Variants in DTNB observed in about 807,000 individuals in gnomAD.
DTNB encodes the protein DTN-B.
A neutral mutation model predicts 90.7 loss-of-function variants in DTNB; 63 were observed. The observed-to-expected ratio is 0.69, with a 90% confidence interval of 0.57 to 0.86. DTNB has a LOEUF of 0.86. Ranked by LOEUF, DTNB falls within the 40% of genes least tolerant of loss-of-function variation. The pLI is 0.00. For synonymous variants in DTNB, 277 were observed against 286.7 expected (o/e 0.97, Z 0.34); for missense variants, 744 against 807.1 (o/e 0.92, Z 0.95).
At chr2:25,667,227 G>A (rs1210584334) in intron 1 of DTNB, among the ~76,000 whole-genome samples, 3 of 152,054 alleles carry the variant, frequency 2.0e-5, no homozygotes, top group South Asian at 2.1e-4. Flanking sequence ...GGTGGCTCAC[G>A]TCTTTAATCC....
chr2:25,416,919 T>C (rs2048140087), intron 16 of DTNB, among the ~76,000 whole-genome samples: 1 of 152,120 alleles, frequency 6.6e-6, no homozygotes, highest in African/African-American at 2.4e-5. Flanking sequence ...CACTCAATAA[T>C]GGTGGGGATT....
intron 6 of DTNB, among the ~76,000 whole-genome samples, chr2:25,590,998 C>T (rs994506294): frequency 1.3e-5 from 2 of 152,228 alleles, no homozygotes; most frequent in South Asian, 2.1e-4. Flanking sequence ...GCCCAAAGTC[C>T]GGGGGTGCTG....
intron 9 of DTNB, among the ~76,000 whole-genome samples, chr2:25,516,407 C>G (rs2075125628): frequency 6.6e-6 from 1 of 152,022 alleles, no homozygotes; most frequent in Non-Finnish European, 1.5e-5. Context: ...TCACCCCACC[C>G]CGCTAATTTT....
chr2:25,380,924 A>G (rs1420814947), intron 19 of DTNB, among the ~76,000 whole-genome samples: 2 of 152,188 alleles, frequency 1.3e-5, no homozygotes, highest in African/African-American at 4.8e-5. Flanking sequence ...AGGGCTGGGC[A>G]AGGGAAACCC....
intron 4 of DTNB, among the ~76,000 whole-genome samples, chr2:25,617,896 A>C (rs914827725): frequency 3.3e-5 from 5 of 152,174 alleles, no homozygotes; most frequent in Non-Finnish European, 5.9e-5. Flanking sequence ...ATTTAAAAAG[A>C]AACTTATTAA....
At chr2:25,437,160 C>T (rs569046337) in intron 12 of DTNB, among the ~76,000 whole-genome samples, 5 of 152,142 alleles carry the variant, frequency 3.3e-5, no homozygotes, top group Admixed American at 6.5e-5. Flanking sequence ...CCCGGCAGGA[C>T]TCCTCAGTGA....
At chr2:25,547,247 T>C (rs545144485) in intron 8 of DTNB, among the ~76,000 whole-genome samples, 1 of 152,054 alleles carries the variant, frequency 6.6e-6, no homozygotes, top group African/African-American at 2.4e-5. Context: ...TTTTTTAATG[T>C]AGAAATTTTA....
intron 4 of DTNB, among the ~76,000 whole-genome samples, chr2:25,622,333 A>C (rs1035063278): frequency 6.6e-6 from 1 of 152,136 alleles, no homozygotes; most frequent in African/African-American, 2.4e-5. Flanking sequence ...AACATATAAA[A>C]ATTAGCCAGG....
At chr2:25,555,232 A>G (rs1442790680) in intron 8 of DTNB, among the ~76,000 whole-genome samples, 1 of 147,816 alleles carries the variant, frequency 6.8e-6, no homozygotes, top group Non-Finnish European at 1.5e-5. Flanking sequence ...CGGAGCTTGC[A>G]GTGAACGAAG....
At chr2:25,584,303 T>C (rs1423872224) in intron 6 of DTNB, among the ~76,000 whole-genome samples, 1 of 152,194 alleles carries the variant, frequency 6.6e-6, no homozygotes, top group East Asian at 1.9e-4. Context: ...TATATAGCTG[T>C]CCGGGGCCAA....
chr2:25,617,980 G>A (rs2071275779), intron 4 of DTNB, among the ~76,000 whole-genome samples: 1 of 152,140 alleles, frequency 6.6e-6, no homozygotes, highest in East Asian at 1.9e-4. Context: ...TGAAGGGGTA[G>A]TCTCAACATC....
intron 6 of DTNB, among the ~76,000 whole-genome samples, chr2:25,590,021 C>T (rs1198412173): frequency 6.6e-6 from 1 of 152,228 alleles, no homozygotes; most frequent in East Asian, 1.9e-4. Flanking sequence ...CCAGCACGGG[C>T]CCTGGCTCTC....
chr2:25,417,965 C>T (rs2048373625), intron 16 of DTNB, among the ~76,000 whole-genome samples: 1 of 152,108 alleles, frequency 6.6e-6, no homozygotes, highest in South Asian at 2.1e-4. Context: ...TTTGCTCTGG[C>T]CAATGAAATG....
At chr2:25,574,483 T>C (rs2060360649) in intron 8 of DTNB, among the ~76,000 whole-genome samples, 1 of 152,180 alleles carries the variant, frequency 6.6e-6, no homozygotes, top group Non-Finnish European at 1.5e-5. Context: ...AAAATAAACT[T>C]CCAGGTACTA....
At chr2:25,426,761 A>G (rs961858077) in intron 15 of DTNB, 3 of 152,250 alleles carry the variant, frequency 2.0e-5, no homozygotes, top group African/African-American at 7.2e-5. Context: ...ATCTTTATAT[A>G]CATTCTACTG....
chr2:25,408,538 C>CTAA (rs2045832451), intron 16 of DTNB, among the ~76,000 whole-genome samples: 1 of 32,728 alleles, frequency 3.1e-5, no homozygotes, highest in African/African-American at 9.4e-5. Flanking sequence ...GACTCCATCT[C>CTAA]AAAAAAAAAA....
intron 1 of DTNB, among the ~76,000 whole-genome samples, chr2:25,655,900 G>A (rs1377903896): frequency 6.6e-6 from 1 of 151,796 alleles, no homozygotes; most frequent in Non-Finnish European, 1.5e-5. Flanking sequence ...TGAAAGAGAT[G>A]GTATATAAAT....
intron 2 of DTNB, among the ~76,000 whole-genome samples, chr2:25,645,416 T>C (rs1435586691): frequency 2.7e-5 from 4 of 149,632 alleles, no homozygotes; most frequent in Admixed American, 1.3e-4. Flanking sequence ...TTACAAAAAA[T>C]AATAACAAAA....
chr2:25,653,474 GCTTGCTTTCTTT>G lies in DTNB; in HGVS notation c.-1-825_-1-814del, dbSNP rs1190513165. Among the ~76,000 whole-genome samples, 649 of 112,226 alleles carry G rather than the reference GCTTGCTTTCTTT, an allele frequency of 5.8e-3. 5 individuals carry two copies. The highest frequency in any genetic ancestry group is 9.1e-3 in the Non-Finnish European group (481 of 52,732). The allele number at this position is 112,226 out of a possible 152,430, so 73.6% of individuals were successfully genotyped here. ...AAGAAGGAAAAGAAAACTGTTCAGAGCTTGCTTTCTTTCTTTCTTTCTTTCTTTCTTTCTTTC... is the reference window on the plus strand; with the variant it reads ...AAGAAGGAAAAGAAAACTGTTCAGAGCTTTCTTTCTTTCTTTCTTTCTTTC... On this transcript the variant is annotated intron_variant, in intron 1 of 20. Coordinates refer to ENST00000406818, the MANE Select transcript of DTNB (RefSeq NM_021907.5).
Sources: allele counts gnomAD v4.1 joint callset (sites outside exome capture counted in the v4.1 genomes callset), GRCh38; gene constraint gnomAD v4.1.1; transcripts MANE v1.5; gene names NCBI Gene and HGNC (gene_info 2026-07-23, HGNC 2026-07-21).